Variants in LRP1 observed in about 807,000 individuals in gnomAD.
LRP1 encodes prolow-density lipoprotein receptor-related protein 1.
A neutral mutation model predicts 541.5 loss-of-function variants in LRP1; 51 were observed. The ratio of observed to expected loss-of-function variants is 0.09; its 90% confidence interval spans 0.08 to 0.12. LRP1 has a LOEUF of 0.12. Among genes scored for constraint, LRP1 ranks in the 10% least tolerant of loss-of-function variants. The pLI is 1.00. For synonymous variants in LRP1, 2,219 were observed against 2,470.8 expected (o/e 0.90, Z 3.02); for missense variants, 3,878 against 6,376.2 (o/e 0.61, Z 13.34).
chr12:57,142,561 G>A (rs924158266), intron 3 of LRP1, among the ~76,000 whole-genome samples: 1 of 152,124 alleles, frequency 6.6e-6, no homozygotes, highest in Admixed American at 6.5e-5. Flanking sequence ...AAATGACCAC[G>A]CGCACCCCTT....
rs776335393 is a variant in LRP1 at position 57,145,357 on chromosome 12, C to T, written c.708C>T (p.Ser236=). 23 of 1,614,078 alleles carry T rather than the reference C, an allele frequency of 1.4e-5. No individual in the cohort carries two copies. In the South Asian group the frequency reaches 2.5e-4, roughly 18 times the overall value. Residue 236 remains serine, a synonymous_variant, in exon 6 of 89, where the codon AGC becomes AGT. Transcript: ENST00000243077. ...GGCAGACCACAGCCATGGACTTCAG[C>T]TATGCCAACGAGACCGTATGCTGGG... The part of the protein sequence containing the change: ...STRQTTAMDF[S]YANETVCWVH...
rs762935078 is a variant in LRP1, at chr12:57,165,775, T to C, written c.2531-30T>C. The C allele has an allele frequency of 1.2e-6, 2 of 1,602,010 alleles. No homozygotes were observed. The highest frequency in any genetic ancestry group is 2.2e-5 in the South Asian group (2 of 90,914). ...CTTGTCCCACGACCGGGGTCTGACT[T>C]TCCCCCTCACGATCCTGTGGTGCCC... On this transcript the variant is annotated intron_variant, in intron 15 of 88. Coordinates refer to ENST00000243077, the MANE Select transcript of LRP1 (RefSeq NM_002332.3). This position sits in a 1 kb window ranked among gnomAD's most constrained non-coding sequence, Gnocchi z 4.5.
In LRP1 at chr12:57,185,244, G is replaced by A. The variant is rs758631478; in HGVS notation, c.6463+39G>A. ...TCTGGGCTGGGGTGGAGAGGTGAGG[G>A]GGACTCTGGCCTGGGAGAGTGCTCC... is the stretch of plus-strand genomic sequence containing the variant. On this transcript the variant is annotated intron_variant, in intron 40 of 88. Coordinates refer to ENST00000243077, the MANE Select transcript of LRP1 (RefSeq NM_002332.3). This position sits in a 1 kb window ranked among gnomAD's most constrained non-coding sequence, Gnocchi z 4.9. 6.2e-7 allele frequency: 1 copy of A among 1,611,020 alleles called. No homozygotes were observed. The highest frequency in any genetic ancestry group is 8.5e-7 in the Non-Finnish European group (1 of 1,178,030).
chr12:57,134,908 CG>C (rs2035124071), intron 1 of LRP1, among the ~76,000 whole-genome samples: 1 of 152,114 alleles, frequency 6.6e-6, no homozygotes, highest in South Asian at 2.1e-4. Flanking sequence ...GGTTTCACCG[CG>C]TTAGCCAGGA....
At chr12:57,172,575 C>T (rs1330924683) in intron 20 of LRP1, among the ~76,000 whole-genome samples, 2 of 152,156 alleles carry the variant, frequency 1.3e-5, no homozygotes, top group Non-Finnish European at 2.9e-5. Flanking sequence ...TCTGGGCTCA[C>T]TCGCTCTTCA....
At chr12:57,181,888 G>A (rs993160164) in intron 34 of LRP1, among the ~76,000 whole-genome samples, 14 of 152,186 alleles carry the variant, frequency 9.2e-5, no homozygotes, top group Non-Finnish European at 1.5e-4. Flanking sequence ...ACTGATTTAT[G>A]AGCTTGCTGG....
intron 43 of LRP1, 132 bp from the exon 44 acceptor site, chr12:57,191,188 C>A: frequency 1.8e-6 from 2 of 1,121,248 alleles, no homozygotes; most frequent in Non-Finnish European, 2.6e-6. Flanking sequence ...ATCAGCTAGA[C>A]GAGGGAGATA....
At chr12:57,159,433 T>G (rs1437969473) in intron 11 of LRP1, among the ~76,000 whole-genome samples, 1 of 152,228 alleles carries the variant, frequency 6.6e-6, no homozygotes. Flanking sequence ...AATCACTTCC[T>G]AATTTATTCA....
intron 2 of LRP1, 101 bp downstream of exon 2, chr12:57,138,682 G>A: frequency 6.7e-7 from 1 of 1,484,002 alleles, no homozygotes; most frequent in Non-Finnish European, 9.2e-7. Context: ...GCCTGATGTG[G>A]ACCTTGCTCA....
intron 50 of LRP1, 78 bp downstream of exon 50, chr12:57,194,777 C>T: frequency 6.7e-7 from 1 of 1,497,844 alleles, no homozygotes; most frequent in Non-Finnish European, 8.9e-7. Context: ...GCAAATGCCC[C>T]CTTGGAAAAG....
At chr12:57,133,792 C>G (rs948032327) in intron 1 of LRP1, among the ~76,000 whole-genome samples, 10 of 152,040 alleles carry the variant, frequency 6.6e-5, no homozygotes, top group Non-Finnish European at 1.5e-5. Context: ...CCCTGTCATG[C>G]TTTTGCAGTC....
intron 11 of LRP1, among the ~76,000 whole-genome samples, 191 bp from the exon 12 acceptor site, chr12:57,159,634 A>G (rs1009964375): frequency 6.6e-6 from 1 of 152,184 alleles, no homozygotes; most frequent in Non-Finnish European, 1.5e-5. Flanking sequence ...ATGGCAGCAC[A>G]CAGGGCTTTC....
chr12:57,143,333 C>T (rs2136660797), intron 3 of LRP1, among the ~76,000 whole-genome samples: 1 of 151,670 alleles, frequency 6.6e-6, no homozygotes, highest in Admixed American at 6.6e-5. Flanking sequence ...AGATGAGAGG[C>T]ATATCAAAGG....
chr12:57,140,934 A>G (rs1247475113), intron 2 of LRP1, among the ~76,000 whole-genome samples: 1 of 152,038 alleles, frequency 6.6e-6, no homozygotes, highest in African/African-American at 2.4e-5. Flanking sequence ...GGGTTTCACC[A>G]TGTTGGCCAG....
chr12:57,149,863 G>C (rs1029133061), intron 6 of LRP1: 4 of 664,522 alleles, frequency 6.0e-6, no homozygotes, highest in African/African-American at 5.3e-5. Context: ...GAAGTCCTCA[G>C]ACTCTCCGCC....
At chr12:57,181,352 C>G (rs2036163533) in intron 34 of LRP1, 61 bp downstream of exon 34, 1 of 1,549,134 alleles carries the variant, frequency 6.5e-7, no homozygotes, top group African/African-American at 1.4e-5. Context: ...CCCTCCTACC[C>G]TACAGCCCCA....
Position 57,207,680 on chromosome 12 carries a change from G to T in LRP1, c.11860-358G>T, listed in dbSNP as rs2036814832. ...ATGGTCAGCAGCTGGCTGTGCTGCAGGCAGCCCAGGGCACAGGGCATGATG... is the reference window on the plus strand; with the variant it reads ...ATGGTCAGCAGCTGGCTGTGCTGCATGCAGCCCAGGGCACAGGGCATGATG... On this transcript the variant is annotated intron_variant, in intron 76 of 88. Transcript: ENST00000243077. 2.0e-5 allele frequency among the ~76,000 whole-genome samples: 3 copies of T among 152,382 alleles called. No homozygotes were observed. In the South Asian group the frequency reaches 6.2e-4, roughly 32 times the overall value.
rs1467235993 is a variant in LRP1, at chr12:57,158,095, T to G, written c.1562-307T>G. 6.6e-6 allele frequency among the ~76,000 whole-genome samples: 1 copy of G among 152,156 alleles called. No homozygotes were observed. The highest frequency in any genetic ancestry group is 2.4e-5 in the African/African-American group (1 of 41,422). ...AAACAGTGATGTGACTCCAACATAT[T>G]TTGAAGGTACTCCTTTTATACCACT... On this transcript the variant is annotated intron_variant, in intron 10 of 88. Transcript: ENST00000243077. This position sits in a 1 kb window ranked among gnomAD's most constrained non-coding sequence, Gnocchi z 5.3.
chr12:57,179,043 G>A lies in LRP1; in HGVS notation c.4738+22G>A. The stretch of plus-strand genomic sequence containing the variant: ...TATGGTAGGAGCCCCTCCCTCCAGA[G>A]CCAGTGAGCAACTGAGGCTGGAGGG... On this transcript the variant is annotated intron_variant, in intron 28 of 88. Transcript: ENST00000243077. This position sits in a 1 kb window ranked among gnomAD's most constrained non-coding sequence, Gnocchi z 6.8. 3.1e-6 allele frequency: 5 copies of A among 1,607,984 alleles called. No homozygotes were observed. The highest frequency in any genetic ancestry group is 4.2e-6 in the Non-Finnish European group (5 of 1,177,488).
Sources: gnomAD v4.1 joint callset for allele counts (sites outside exome capture counted in the v4.1 genomes callset) on GRCh38, gnomAD v4.1.1 for gene constraint, Gnocchi (gnomAD v3.1) non-coding constraint, MANE v1.5 for transcripts, NCBI Gene and HGNC (gene_info 2026-07-23, HGNC 2026-07-21) for gene names.